The following PPIP5K2 variants were observed in gnomAD, a reference collection of about 807,000 sequenced individuals.
PPIP5K2 encodes the protein inositol hexakisphosphate and diphosphoinositol-pentakisphosphate kinase 2.
In PPIP5K2, 105 loss-of-function variants were observed where a neutral mutation model predicts 154.6. That is an observed-to-expected ratio of 0.68 (90% CI 0.58 to 0.80). The LOEUF (loss-of-function observed/expected upper bound fraction) is 0.80. PPIP5K2 is among the 30% of genes least tolerant of loss of function. PPIP5K2 has a pLI of 0.00. For missense variants in PPIP5K2, 992 were observed against 1,504.6 expected, an observed-to-expected ratio of 0.66 and a Z score of 5.64; for synonymous variants, 480 against 490.3, an observed-to-expected ratio of 0.98 and a Z score of 0.28.
chr5:103,195,962 T>C (rs1802027473), intron 30 of PPIP5K2, among the ~76,000 whole-genome samples: 1 of 152,206 alleles, frequency 6.6e-6, no homozygotes, highest in Admixed American at 6.5e-5. Flanking sequence ...TCTCTGATCC[T>C]TAGTCTTATA....
chr5:103,161,789 T>C (rs1242752083), intron 17 of PPIP5K2, among the ~76,000 whole-genome samples: 5 of 151,728 alleles, frequency 3.3e-5, no homozygotes, highest in Non-Finnish European at 4.4e-5. Flanking sequence ...CACCCACTTT[T>C]TGATGGGGTT....
At chr5:103,136,489 T>C (rs1269565933) in intron 3 of PPIP5K2, among the ~76,000 whole-genome samples, 1 of 152,218 alleles carries the variant, frequency 6.6e-6, no homozygotes, top group Non-Finnish European at 1.5e-5. Context: ...TTCACTCACA[T>C]GTCAGTGCTC....
At chr5:103,179,749 C>T (rs550205397) in intron 23 of PPIP5K2, among the ~76,000 whole-genome samples, 32 of 151,922 alleles carry the variant, frequency 2.1e-4, no homozygotes, top group Non-Finnish European at 3.1e-4. Flanking sequence ...TGTAATTAAA[C>T]GCTTTGTCTT....
chr5:103,197,597 A>G (rs1208735703), intron 30 of PPIP5K2, among the ~76,000 whole-genome samples: 1 of 104,798 alleles, frequency 9.5e-6, no homozygotes, highest in Non-Finnish European at 1.9e-5. Context: ...TTTTTTTGAG[A>G]CGGAGTCTCC....
Position 103,194,959 on chromosome 5 carries a change from A to G in PPIP5K2, c.3553A>G (p.Thr1185Ala), listed in dbSNP as rs1554228029. 3 of 1,613,788 alleles carry G rather than the reference A, an allele frequency of 1.9e-6. No individual in the cohort carries two copies. Among genetic ancestry groups the G allele is most frequent in the African/African-American group, 2.7e-5 (2 of 75,036 alleles). ...MRKKVSLNTY[T>A]PAKILPTPPA... ...AAAAAAAGTATCTTTAAATACGTAT[A>G]CACCTGCAAAGATCCTCCCAACACC... Residue 1185 changes from threonine to alanine, a missense_variant, in exon 30 of 31, where the codon ACA (threonine) becomes GCA (alanine). Physicochemically the swap from Thr to Ala is moderately conservative, Grantham distance 58 (BLOSUM62 0). Coordinates refer to ENST00000358359, the MANE Select transcript of PPIP5K2 (RefSeq NM_001276277.3).
chr5:103,132,365 C>G (rs1790770964), intron 2 of PPIP5K2, among the ~76,000 whole-genome samples: 1 of 152,004 alleles, frequency 6.6e-6, no homozygotes, highest in Non-Finnish European at 1.5e-5. Flanking sequence ...CACGATGAAA[C>G]CCCATCTCTA....
chr5:103,194,993 C>A lies in PPIP5K2; in HGVS notation c.3587C>A (p.Thr1196Asn), dbSNP rs782663965. 2.5e-6 allele frequency: 4 copies of A among 1,613,524 alleles called. No individual in the cohort carries two copies. Among genetic ancestry groups the A allele is most frequent in the Middle Eastern group, 3.3e-4 (2 of 6,082 alleles). The change falls in exon 30 of 31, where the codon ACC (threonine) becomes AAC (asparagine). Residue 1196 changes from threonine to asparagine, a missense_variant. By Grantham distance (65) the Thr-to-Asn change is moderately conservative. Coordinates refer to ENST00000358359, the MANE Select transcript of PPIP5K2 (RefSeq NM_001276277.3). ...PAKILPTPPATLKSTKASSKP... is the reference protein window; with the variant it reads ...PAKILPTPPANLKSTKASSKP... ...AAGATCCTCCCAACACCACCAGCTA[C>A]CTTAAAGAGCACTAAAGCAAGCAGC...
intron 26 of PPIP5K2, 112 bp from the exon 27 acceptor site, chr5:103,186,208 T>C: frequency 3.6e-6 from 5 of 1,376,662 alleles, no homozygotes; most frequent in Non-Finnish European, 5.0e-6. Context: ...TCAAGGCACT[T>C]CCAAAGGTTG....
At chr5:103,194,875 A>G in intron 29 of PPIP5K2, 25 bp from the exon 30 acceptor site, 2 of 1,595,442 alleles carry the variant, frequency 1.3e-6, no homozygotes, top group Non-Finnish European at 1.7e-6. Flanking sequence ...TTATTAAATT[A>G]ACATGTTTGT....
chr5:103,158,693 G>A, intron 16 of PPIP5K2, 120 bp downstream of exon 16: 2 of 780,678 alleles, frequency 2.6e-6, no homozygotes, highest in Middle Eastern at 3.9e-4. Context: ...AGGCTGAGGT[G>A]GTCAGATCAC....
chr5:103,163,131 C>T (rs1279552236), intron 17 of PPIP5K2, among the ~76,000 whole-genome samples: 1 of 69,800 alleles, frequency 1.4e-5, no homozygotes, highest in Non-Finnish European at 2.8e-5. Flanking sequence ...AATTTTAAAA[C>T]AAGCTGGTCA....
At position 103,120,482 on chromosome 5, in the gene PPIP5K2, G is replaced by T. The variant is rs1554198612; in HGVS notation, c.-291G>T. 1 of 456,696 alleles carries T rather than the reference G, an allele frequency of 2.2e-6. No homozygotes were observed. The highest frequency in any genetic ancestry group is 2.3e-5 in the Admixed American group (1 of 42,588). The allele number at this position is 456,696 out of a possible 1,614,324, so 28.3% of individuals were successfully genotyped here. On this transcript the variant is annotated 5_prime_UTR_variant, in exon 1 of 31. Coordinates refer to ENST00000358359, the MANE Select transcript of PPIP5K2 (RefSeq NM_001276277.3). The stretch of plus-strand genomic sequence containing the variant: ...AACTGCTCGCGTGACGACCGCATTC[G>T]TGGCAGGTGAGGGCCCAAAACCGGA...
At chr5:103,153,794 T>TACA in intron 10 of PPIP5K2, 54 bp from the exon 11 acceptor site, 1 of 1,278,870 alleles carries the variant, frequency 7.8e-7, no homozygotes, top group Non-Finnish European at 1.1e-6. Flanking sequence ...ATCTGAATTA[T>TACA]ACAACACAAA....
rs868911631 is a variant in PPIP5K2, at chr5:103,136,987, C to A, written c.401+165C>A. On this transcript the variant is annotated intron_variant, in intron 4 of 30. Transcript: ENST00000358359. The stretch of plus-strand genomic sequence containing the variant: ...TTACCTAATTTTACAGATGAGGAAT[C>A]TTGATAATTAGGAAGATTGATTAAT... Among the ~76,000 whole-genome samples the A allele has an allele frequency of 2.0e-5, 3 of 152,114 alleles. No homozygotes were observed. In the South Asian group the frequency reaches 6.2e-4, roughly 32 times the overall value.
rs377749135 is a variant in PPIP5K2, at chr5:103,194,915, G to A, written c.3509G>A (p.Arg1170His). The change falls in exon 30 of 31, where the codon CGT becomes CAT. Residue 1170 changes from arginine to histidine, a missense_variant. Transcript: ENST00000358359. ...TTTTTTTCAGCCTCTACAGCTTTAC[G>A]TTCCAGTCCAATAATGAGAAAAAAA... The part of the protein sequence containing the change: ...KTAEISSTAL[R>H]SSPIMRKKVS... 1.2e-5 allele frequency: 19 copies of A among 1,611,476 alleles called. No individual in the cohort carries two copies. The highest frequency in any genetic ancestry group is 2.7e-5 in the African/African-American group (2 of 74,662).
intron 30 of PPIP5K2, among the ~76,000 whole-genome samples, chr5:103,200,995 G>A (rs1554230107): frequency 6.6e-6 from 1 of 152,168 alleles, no homozygotes; most frequent in Admixed American, 6.5e-5. Flanking sequence ...ACAGAAGGAT[G>A]ATTCCTAAGT....
intron 30 of PPIP5K2, among the ~76,000 whole-genome samples, chr5:103,196,702 A>G (rs575203016): frequency 6.6e-6 from 1 of 152,302 alleles, no homozygotes; most frequent in African/African-American, 2.4e-5. Flanking sequence ...ATTAGTTCAT[A>G]TACATTTTTA....
At chr5:103,162,308 A>G (rs1669894227) in intron 17 of PPIP5K2, among the ~76,000 whole-genome samples, 1 of 149,968 alleles carries the variant, frequency 6.7e-6, no homozygotes, top group Non-Finnish European at 1.5e-5. Context: ...CATAAAGTTA[A>G]CACCACCTAC....
intron 29 of PPIP5K2, 61 bp from the exon 30 acceptor site, chr5:103,194,839 G>A: frequency 6.6e-7 from 1 of 1,526,048 alleles, no homozygotes; most frequent in South Asian, 1.2e-5. Flanking sequence ...AACTTTCTAT[G>A]ATGTTAAGAG....
Sources: allele counts gnomAD v4.1 joint callset (sites outside exome capture counted in the v4.1 genomes callset), GRCh38; gene constraint gnomAD v4.1.1; transcripts MANE v1.5; gene names NCBI Gene and HGNC (gene_info 2026-07-23, HGNC 2026-07-21).